SLC38A6: variants seen among roughly 807,000 people sequenced by gnomAD.
The protein encoded by SLC38A6 is solute carrier family 38 member 6, also known as N system amino acid transporter NAT-1.
Under a neutral mutation model 65.0 loss-of-function variants are expected in SLC38A6, and 73 were observed. That is an observed-to-expected ratio of 1.12 (90% CI 0.93 to 1.37). The LOEUF is 1.37. Among genes scored for constraint, SLC38A6 ranks in the 40% most tolerant of loss-of-function variants. The pLI is 0.00. For synonymous variants in SLC38A6, 183 were observed against 178.8 expected (o/e 1.02, Z -0.19); for missense variants, 561 against 531.1 (o/e 1.06, Z -0.55).
chr14:61,075,418 C>T (rs1327706099), intron 15 of SLC38A6, among the ~76,000 whole-genome samples: 4 of 152,190 alleles, frequency 2.6e-5, no homozygotes, highest in Non-Finnish European at 5.9e-5. Flanking sequence ...CCACTTGCTT[C>T]CTCCCAGAGT....
intron 15 of SLC38A6, 88 bp downstream of exon 15, chr14:61,052,223 C>A: frequency 7.8e-7 from 1 of 1,277,384 alleles, no homozygotes; most frequent in South Asian, 1.5e-5. Context: ...TCAAGAAAGT[C>A]AATATATTTT....
Position 61,052,618 on chromosome 14 carries a change from A to C in SLC38A6, c.*189A>C. ...TTAATCAAAAAAAGAAACAAACTCG[A>C]AATGCTCTTAAATATATTGGGTTGA... On this transcript the variant is annotated 3_prime_UTR_variant, in exon 16 of 16. Transcript: ENST00000267488. The C allele has an allele frequency of 3.2e-6, 2 of 616,936 alleles. No homozygotes were observed. 38.2% of individuals were successfully genotyped at this position (616,936 alleles called of 1,614,324 possible).
chr14:61,022,810 T>C (rs1276333665), intron 5 of SLC38A6, among the ~76,000 whole-genome samples: 2 of 152,162 alleles, frequency 1.3e-5, no homozygotes, highest in Non-Finnish European at 2.9e-5. Context: ...CTCTTCAATA[T>C]AGATATTATC....
In SLC38A6 at chr14:61,052,076, C is replaced by G. The variant is rs755173458; in HGVS notation, c.1231C>G (p.Pro411Ala). ...STSTCLIFIF[P>A]GLFYLKLSRE... ...ATCAACATGTTTGATTTTTATATTC[C>G]CAGGACTATTTTATCTTAAACTTAG... The change falls in exon 15 of 16, where the codon CCA becomes GCA. Residue 411 changes from proline to alanine, a missense_variant. Transcript: ENST00000267488. The G allele has an allele frequency of 6.3e-7, 1 of 1,587,852 alleles. No individual in the cohort carries two copies. Among genetic ancestry groups the G allele is most frequent in the Non-Finnish European group, 8.5e-7 (1 of 1,173,696 alleles).
chr14:61,030,891 C>T (rs902560910), intron 6 of SLC38A6: 3 of 157,680 alleles, frequency 1.9e-5, no homozygotes, highest in Non-Finnish European at 2.8e-5. Flanking sequence ...AATATACTGA[C>T]AGTACGGGTC....
At chr14:61,026,363 G>A (rs1429305802) in intron 5 of SLC38A6, among the ~76,000 whole-genome samples, 1 of 152,048 alleles carries the variant, frequency 6.6e-6, no homozygotes, top group African/African-American at 2.4e-5. Flanking sequence ...AGTCATAGCA[G>A]TAGATGCAAT....
chr14:61,011,262 A>G (rs1290698417), intron 3 of SLC38A6, among the ~76,000 whole-genome samples: 1 of 152,204 alleles, frequency 6.6e-6, no homozygotes, highest in Non-Finnish European at 1.5e-5. Flanking sequence ...GTTGCCTATC[A>G]GCTTAAGGAG....
intron 15 of SLC38A6, among the ~76,000 whole-genome samples, chr14:61,063,714 T>G (rs2139925608): frequency 6.6e-6 from 1 of 152,292 alleles, no homozygotes; most frequent in East Asian, 1.9e-4. Context: ...TCAAGATATT[T>G]AGCAACTGGA....
intron 3 of SLC38A6, among the ~76,000 whole-genome samples, chr14:61,008,050 C>T (rs1243304242): frequency 6.6e-6 from 1 of 152,030 alleles, no homozygotes; most frequent in Non-Finnish European, 1.5e-5. Flanking sequence ...AAATATGTCT[C>T]AAATCCACCC....
chr14:61,061,775 C>G (rs1275922469), intron 15 of SLC38A6, among the ~76,000 whole-genome samples: 1 of 152,122 alleles, frequency 6.6e-6, no homozygotes, highest in Non-Finnish European at 1.5e-5. Context: ...TGGTTGCTTC[C>G]AAGTCTTTGC....
At chr14:61,007,995 GA>G (rs2039278277) in intron 3 of SLC38A6, among the ~76,000 whole-genome samples, 1 of 151,874 alleles carries the variant, frequency 6.6e-6, no homozygotes, top group Non-Finnish European at 1.5e-5. Context: ...CACATAGTTG[GA>G]AAAAATTCTA....
Position 61,052,397 on chromosome 14 carries a change from G to A in SLC38A6, c.1339G>A (p.Ala447Thr), listed in dbSNP as rs763875381. The A allele has an allele frequency of 3.8e-6, 6 of 1,582,038 alleles. No homozygotes were observed. The South Asian group carries it at 7.2e-5, about 19-fold the overall frequency. ...FGILVGNFSLALIIFDWINK is the reference protein window; with the variant it reads ...FGILVGNFSLTLIIFDWINK ...AATTTTGGTTGGGAATTTTAGTTTA[G>A]CACTCATCATTTTTGATTGGATTAA... is the stretch of plus-strand genomic sequence containing the variant. Residue 447 changes from alanine to threonine, a missense_variant, in exon 16 of 16, where the codon GCA becomes ACA. Transcript: ENST00000267488.
In SLC38A6 at chr14:60,990,534, T is replaced by C. The variant is rs185366217; in HGVS notation, c.310+5731T>C. On this transcript the variant is annotated intron_variant, in intron 3 of 15. Transcript: ENST00000267488. ...ATCTAAGTAAATGGTAATGTCTTTC[T>C]TCTAATTGCTTAGGCCAAAGATCTT... is the stretch of plus-strand genomic sequence containing the variant. Among the ~76,000 whole-genome samples, 6 of 152,330 alleles carry C rather than the reference T, an allele frequency of 3.9e-5. No individual in the cohort carries two copies. The East Asian group carries it at 9.6e-4, about 24-fold the overall frequency.
intron 4 of SLC38A6, among the ~76,000 whole-genome samples, chr14:61,017,075 C>G (rs1276134271): frequency 6.6e-6 from 1 of 152,054 alleles, no homozygotes. Flanking sequence ...GAGTTTCGCT[C>G]TTGTTGCCCA....
intron 5 of SLC38A6, among the ~76,000 whole-genome samples, chr14:61,024,940 A>G (rs1251319294): frequency 2.0e-5 from 3 of 152,236 alleles, no homozygotes; most frequent in African/African-American, 7.2e-5. Context: ...TATGAATAGC[A>G]TATGCTTTCC....
chr14:61,013,880 T>C lies in SLC38A6; in HGVS notation c.311-2024T>C, dbSNP rs139239213. Among the ~76,000 whole-genome samples the C allele has an allele frequency of 8.5e-3, 1,294 of 152,258 alleles. 20 individuals carry two copies. Among genetic ancestry groups the C allele is most frequent in the African/African-American group, 0.029 (1,221 of 41,550 alleles). On this transcript the variant is annotated intron_variant, in intron 3 of 15. Transcript: ENST00000267488. ...ATATGTTTTGGAGTTGCTCTTCTCG[T>C]GGAGTATGTTAGTGGCGTTCTCTGT...
intron 3 of SLC38A6, among the ~76,000 whole-genome samples, chr14:60,998,843 C>T (rs989238508): frequency 6.6e-5 from 10 of 152,316 alleles, no homozygotes; most frequent in Non-Finnish European, 2.9e-5. Flanking sequence ...AACAGACAAG[C>T]CACAGCCCTG....
At chr14:61,031,791 T>A (rs2041011418) in intron 6 of SLC38A6, among the ~76,000 whole-genome samples, 1 of 151,902 alleles carries the variant, frequency 6.6e-6, no homozygotes, top group Non-Finnish European at 1.5e-5. Flanking sequence ...AATTTATATT[T>A]TAGGGTTAAG....
At chr14:61,041,256 C>T (rs904504655) in intron 8 of SLC38A6, among the ~76,000 whole-genome samples, 2 of 152,168 alleles carry the variant, frequency 1.3e-5, no homozygotes, top group Non-Finnish European at 2.9e-5. Context: ...TCTCGTTTCA[C>T]TCCCGTTCTG....
Sources: allele counts gnomAD v4.1 joint callset (sites outside exome capture counted in the v4.1 genomes callset), GRCh38; gene constraint gnomAD v4.1.1; transcripts MANE v1.5; gene names NCBI Gene and HGNC (gene_info 2026-07-23, HGNC 2026-07-21).